DIP2C: variants seen among roughly 807,000 people sequenced by gnomAD.
The protein encoded by DIP2C is DIP2 acetate--CoA ligase C (putative).
DIP2C carries 33 observed loss-of-function variants against 192.4 expected under a neutral mutation model. The ratio of observed to expected loss-of-function variants is 0.17; its 90% CI spans 0.13 to 0.23. The LOEUF (loss-of-function observed/expected upper bound fraction) is 0.23, where lower values mean the gene tolerates loss of function less well. DIP2C is among the 10% of genes least tolerant of loss of function. The pLI, the probability that DIP2C is intolerant of heterozygous loss-of-function variation, is 1.00. For missense variants in DIP2C, 1,537 were observed against 2,110.1 expected, an observed-to-expected ratio of 0.73 and a Z score of 5.32; for synonymous variants, 979 against 864.1, an observed-to-expected ratio of 1.13 and a Z score of -2.33.
intron 1 of DIP2C, among the ~76,000 whole-genome samples, chr10:679,587 CCCA>C (rs1310916805): frequency 3.6e-5 from 5 of 138,164 alleles, no homozygotes; most frequent in Non-Finnish European, 3.1e-5. Flanking sequence ...ACCCATGCTC[CCCA>C]CACCTGTGCT....
At chr10:277,724 G>A (rs369653889) in intron 36 of DIP2C, 147 bp from the exon 37 acceptor site, 62 of 1,118,834 alleles carry the variant, frequency 5.5e-5, no homozygotes, top group Middle Eastern at 2.9e-4. Context: ...TCCGTCTGCC[G>A]CCCACTAATC....
chr10:557,751 G>A (rs1848968396), intron 1 of DIP2C, among the ~76,000 whole-genome samples: 1 of 54,854 alleles, frequency 1.8e-5, no homozygotes, highest in Admixed American at 1.5e-4. Context: ...GAGGATGGGT[G>A]GGAAGGGGGA....
chr10:585,890 A>AT (rs1312559640), intron 1 of DIP2C, among the ~76,000 whole-genome samples: 2 of 152,328 alleles, frequency 1.3e-5, no homozygotes, highest in East Asian at 3.9e-4. Flanking sequence ...TTTAATCACC[A>AT]TATTAGAGGG....
chr10:618,618 ACT>A (rs1209645311), intron 1 of DIP2C, among the ~76,000 whole-genome samples: 2 of 152,118 alleles, frequency 1.3e-5, no homozygotes, highest in Non-Finnish European at 1.5e-5. Flanking sequence ...TGATTTTTAG[ACT>A]CTCATGACAG....
chr10:345,077 G>T lies in DIP2C; in HGVS notation c.3265C>A (p.Leu1089Met), dbSNP rs199521796. 24 of 1,613,306 alleles carry T rather than the reference G, an allele frequency of 1.5e-5. No individual in the cohort carries two copies. Among genetic ancestry groups the T allele is most frequent in the Admixed American group, 5.0e-5 (3 of 59,966 alleles). The change falls in exon 27 of 37, where the codon CTG becomes ATG. Residue 1089 changes from leucine to methionine, a missense_variant. Physicochemically the swap from Leu to Met is conservative, Grantham distance 15. Around this residue, in one of 4 missense-constraint regions of DIP2C, gnomAD observed 677 missense variants for 989.9 expected, o/e 0.68. Transcript: ENST00000280886. ...CTGGACCGCAGCAACTTACAGATCAGCTGTGTCGTCATCAGACAGGCAGAG... is the reference window on the plus strand; with the variant it reads ...CTGGACCGCAGCAACTTACAGATCATCTGTGTCGTCATCAGACAGGCAGAG... ...SRSACLMTTQ[L>M]ICKLLRSREA...
intron 1 of DIP2C, among the ~76,000 whole-genome samples, chr10:541,816 C>A (rs780109167): frequency 2.0e-5 from 3 of 152,084 alleles, no homozygotes; most frequent in Admixed American, 6.5e-5. Flanking sequence ...CTAGACCCCA[C>A]AGCATGACCC....
intron 32 of DIP2C, among the ~76,000 whole-genome samples, chr10:300,819 C>T (rs1162497738): frequency 1.5e-5 from 2 of 135,988 alleles, no homozygotes; most frequent in African/African-American, 2.8e-5. Context: ...CGGCCCTGAG[C>T]GTGTGGAGAA....
intron 7 of DIP2C, among the ~76,000 whole-genome samples, chr10:415,026 G>A (rs1045643452): frequency 6.6e-6 from 1 of 151,256 alleles, no homozygotes; most frequent in African/African-American, 2.4e-5. Flanking sequence ...ATAGGCATGA[G>A]CCACCGCACC....
intron 18 of DIP2C, 58 bp from the exon 19 acceptor site, chr10:366,469 G>A: frequency 6.2e-7 from 1 of 1,608,544 alleles, no homozygotes; most frequent in Non-Finnish European, 8.5e-7. Context: ...GGAGAATAAA[G>A]GAAACAGGGA....
At chr10:537,565 G>GTCCCCC (rs1564828926) in intron 1 of DIP2C, among the ~76,000 whole-genome samples, 1 of 122,698 alleles carries the variant, frequency 8.2e-6, no homozygotes, top group Non-Finnish European at 1.7e-5. Context: ...CCTGCCCCCC[G>GTCCCCC]TCCCCCTCCC....
At chr10:408,346 T>C (rs1396823360) in intron 9 of DIP2C, among the ~76,000 whole-genome samples, 1 of 152,228 alleles carries the variant, frequency 6.6e-6, no homozygotes, top group Non-Finnish European at 1.5e-5. Flanking sequence ...TATTATAAGC[T>C]TTGTAGTAAA....
chr10:428,185 A>G (rs540717155), intron 4 of DIP2C, among the ~76,000 whole-genome samples: 1 of 152,210 alleles, frequency 6.6e-6, no homozygotes, highest in Non-Finnish European at 1.5e-5. Flanking sequence ...AGATCATAAA[A>G]AACTAAAAAC....
intron 10 of DIP2C, among the ~76,000 whole-genome samples, chr10:392,590 C>T (rs1278502581): frequency 6.6e-6 from 1 of 152,232 alleles, no homozygotes; most frequent in Admixed American, 6.5e-5. Context: ...CAGACGCCAG[C>T]CCTCAGCACA....
In DIP2C at chr10:461,607, G is replaced by A. The variant is rs148448404; in HGVS notation, c.268+10832C>T. Among the ~76,000 whole-genome samples the A allele has an allele frequency of 1.7e-4, 26 of 152,224 alleles. No individual in the cohort carries two copies. In the South Asian group the frequency reaches 2.3e-3, roughly 13 times the overall value. On this transcript the variant is annotated intron_variant, in intron 3 of 36. Coordinates refer to ENST00000280886, the MANE Select transcript of DIP2C (RefSeq NM_014974.3). Reference sequence around the variant, plus strand: ...CAGTGGGAGGCTTTAACACCCCAACGTCAGTATTAGACAGATTGAGACAGA... The same window carrying A: ...CAGTGGGAGGCTTTAACACCCCAACATCAGTATTAGACAGATTGAGACAGA...
intron 1 of DIP2C, among the ~76,000 whole-genome samples, chr10:501,085 C>T (rs759093033): frequency 2.7e-4 from 41 of 152,242 alleles, no homozygotes; most frequent in African/African-American, 9.4e-4. Context: ...CAGTGAGCTG[C>T]GGGCAACCCT....
At chr10:393,980 G>A (rs575943408) in intron 10 of DIP2C, among the ~76,000 whole-genome samples, 3 of 152,220 alleles carry the variant, frequency 2.0e-5, no homozygotes, top group African/African-American at 7.2e-5. Flanking sequence ...AATTAGCACA[G>A]CCATTATGGA....
At chr10:417,336 A>G (rs549095015) in intron 6 of DIP2C, among the ~76,000 whole-genome samples, 1 of 152,360 alleles carries the variant, frequency 6.6e-6, no homozygotes, top group East Asian at 1.9e-4. Flanking sequence ...CACACCACGC[A>G]GGATTTACCT....
At chr10:418,271 C>T (rs180884470) in intron 6 of DIP2C, among the ~76,000 whole-genome samples, 6,401 of 94,566 alleles carry the variant, frequency 0.068, 747 homozygotes, top group South Asian at 0.16. Context: ...TGTCAGGCCT[C>T]AGATAGGCAT....
chr10:674,205 C>T, intron 1 of DIP2C, among the ~76,000 whole-genome samples: 1 of 152,068 alleles, frequency 6.6e-6, no homozygotes, highest in East Asian at 1.9e-4. Context: ...TCTATGCTGC[C>T]TACAAAAAAC....
Sources: gnomAD v4.1 joint callset for allele counts (sites outside exome capture counted in the v4.1 genomes callset) on GRCh38, gnomAD v4.1.1 for gene constraint, gnomAD v4.1.1 regional missense constraint, MANE v1.5 for transcripts, NCBI Gene and HGNC (gene_info 2026-07-23, HGNC 2026-07-21) for gene names.